The following SCOC variants were observed in gnomAD, a reference collection of about 807,000 sequenced individuals.
SCOC encodes short coiled coil protein.
A neutral mutation model predicts 9.9 loss-of-function variants in SCOC; 7 were observed. The ratio of observed to expected loss-of-function variants is 0.71; its 90% confidence interval spans 0.40 to 1.33. SCOC has a LOEUF of 1.33. SCOC is among the 40% of genes most tolerant of loss of function. The pLI is 0.01. For synonymous variants in SCOC, 19 were observed against 28.2 expected, an observed-to-expected ratio of 0.67 and a Z score of 1.03; for missense variants, 66 against 89.7, an observed-to-expected ratio of 0.74 and a Z score of 1.07.
At chr4:140,282,898 T>C (rs1319798498) in intron 1 of SCOC, among the ~76,000 whole-genome samples, 2 of 152,372 alleles carry the variant, frequency 1.3e-5, no homozygotes, top group African/African-American at 4.8e-5. Flanking sequence ...GGAAACAGTA[T>C]ATGCAATATT....
intron 1 of SCOC, among the ~76,000 whole-genome samples, chr4:140,327,891 T>C (rs953973473): frequency 5.9e-5 from 9 of 152,158 alleles, no homozygotes; most frequent in Admixed American, 5.2e-4. Flanking sequence ...TTTTTTTTTC[T>C]GTAGTGTTGA....
intron 2 of SCOC, chr4:140,366,101 A>G (rs1461163195): frequency 1.9e-5 from 7 of 372,290 alleles, no homozygotes; most frequent in Non-Finnish European, 3.4e-5. Context: ...TCATGTTTGT[A>G]TAATGCAATT....
rs1419614880 is a variant in SCOC at position 140,288,289 on chromosome 4, AATAC to A, written c.-19+30884_-19+30887del. On this transcript the variant is annotated intron_variant, in intron 1 of 4. Coordinates refer to the SCOC transcript ENST00000394205. Reference sequence around the variant, plus strand: ...TACACGTAGACAAACACATCATATAAATACATACCTCCTACAGATCACACATATA... The same window carrying A: ...TACACGTAGACAAACACATCATATAAATACCTCCTACAGATCACACATATA... Among the ~76,000 whole-genome samples, 4 of 152,118 alleles carry A rather than the reference AATAC, an allele frequency of 2.6e-5. No homozygotes were observed. In the East Asian group the frequency reaches 7.7e-4, roughly 29 times the overall value.
chr4:140,373,909 C>T (rs1350706708), intron 1 of SCOC, 192 bp downstream of exon 1: 7 of 718,482 alleles, frequency 9.7e-6, no homozygotes, highest in Admixed American at 4.0e-5. Flanking sequence ...CCTTGCGCGA[C>T]CTCTTTTTCT....
chr4:140,380,869 A>G (rs1460711452), intron 3 of SCOC, 93 bp from the exon 4 acceptor site: 6 of 997,480 alleles, frequency 6.0e-6, no homozygotes, highest in African/African-American at 1.7e-5. Context: ...TAAGGATTGT[A>G]TTATTTCTTT....
At chr4:140,351,517 G>A (rs538693185) in intron 2 of SCOC, among the ~76,000 whole-genome samples, 2 of 152,084 alleles carry the variant, frequency 1.3e-5, no homozygotes, top group African/African-American at 2.4e-5. Context: ...TCAAAGCTGC[G>A]TCTGCGTCTG....
intron 1 of SCOC, among the ~76,000 whole-genome samples, chr4:140,322,190 G>A (rs1732519302): frequency 1.3e-5 from 2 of 152,316 alleles, no homozygotes; most frequent in Admixed American, 1.3e-4. Flanking sequence ...AGAGGAGTGA[G>A]GTGTTGCTGT....
chr4:140,304,186 G>C (rs1337375511), intron 1 of SCOC, among the ~76,000 whole-genome samples: 1 of 152,176 alleles, frequency 6.6e-6, no homozygotes, highest in East Asian at 1.9e-4. Context: ...GGAAAGGGAA[G>C]CATATGGCGC....
chr4:140,264,833 G>A (rs916495945), intron 1 of SCOC, among the ~76,000 whole-genome samples: 1 of 152,330 alleles, frequency 6.6e-6, no homozygotes, highest in African/African-American at 2.4e-5. Context: ...CAATCAAGAA[G>A]ATTATGCTCT....
intron 1 of SCOC, among the ~76,000 whole-genome samples, chr4:140,332,365 T>C (rs1732843203): frequency 2.4e-5 from 2 of 83,262 alleles, no homozygotes; most frequent in Admixed American, 1.1e-4. Context: ...TCATCTTTTT[T>C]TTTTTTTTTT....
chr4:140,343,994 C>T (rs1053439251), intron 2 of SCOC, among the ~76,000 whole-genome samples: 6 of 152,086 alleles, frequency 3.9e-5, no homozygotes, highest in South Asian at 2.1e-4. Context: ...AAAGTTGCTA[C>T]GAAAACAACC....
At chr4:140,357,485 G>A (rs184286434) in intron 2 of SCOC, among the ~76,000 whole-genome samples, 165 of 152,290 alleles carry the variant, frequency 1.1e-3, no homozygotes, top group African/African-American at 3.8e-3. Flanking sequence ...TGTCAGTTCC[G>A]TGTATCTGAT....
chr4:140,345,259 C>G (rs961190791), intron 2 of SCOC, among the ~76,000 whole-genome samples: 2 of 152,020 alleles, frequency 1.3e-5, no homozygotes, highest in African/African-American at 4.8e-5. Context: ...CCCCTTGCTC[C>G]CAATTGCCGC....
intron 1 of SCOC, among the ~76,000 whole-genome samples, chr4:140,265,272 A>G (rs918384247): frequency 2.6e-5 from 4 of 152,252 alleles, no homozygotes; most frequent in Admixed American, 2.6e-4. Context: ...CCCTGAGTCA[A>G]GGAAATCAGA....
At chr4:140,328,366 TTGA>T (rs1298927354) in intron 1 of SCOC, among the ~76,000 whole-genome samples, 1 of 152,130 alleles carries the variant, frequency 6.6e-6, no homozygotes, top group Non-Finnish European at 1.5e-5. Flanking sequence ...AAAGAGCAAA[TTGA>T]TGAACACAAC....
intron 1 of SCOC, chr4:140,374,138 A>G (rs1333326531): frequency 6.5e-6 from 3 of 462,942 alleles, no homozygotes; most frequent in African/African-American, 4.0e-5. Context: ...GAGAGATGGG[A>G]GGGGAGGCTG....
At chr4:140,340,189 C>T (rs1055472423), upstream of SCOC, among the ~76,000 whole-genome samples, 1 of 152,048 alleles carries the variant, frequency 6.6e-6, no homozygotes, top group Non-Finnish European at 1.5e-5. Flanking sequence ...TCTCAGCAAA[C>T]TATCGCAAGG....
At chr4:140,299,191 T>C (rs917301509) in intron 1 of SCOC, among the ~76,000 whole-genome samples, 10 of 152,222 alleles carry the variant, frequency 6.6e-5, no homozygotes, top group Non-Finnish European at 1.5e-4. Flanking sequence ...GAAATTTTAA[T>C]GTAGGCATGC....
At chr4:140,351,862 G>C (rs1726993528) in intron 2 of SCOC, among the ~76,000 whole-genome samples, 1 of 152,136 alleles carries the variant, frequency 6.6e-6, no homozygotes, top group Admixed American at 6.5e-5. Context: ...CCCCAGCTGA[G>C]AGAACACTGA....
Sources: allele counts gnomAD v4.1 joint callset (sites outside exome capture counted in the v4.1 genomes callset), GRCh38; gene constraint gnomAD v4.1.1; transcripts MANE v1.5; gene names NCBI Gene and HGNC (gene_info 2026-07-23, HGNC 2026-07-21).